Variants in NUDCD3 observed in about 807,000 individuals in gnomAD.
The protein encoded by NUDCD3 is NudC domain containing 3, also known as nudC domain-containing protein 3.
A neutral mutation model predicts 39.7 loss-of-function variants in NUDCD3; 13 were observed. That is an observed-to-expected ratio of 0.33 (90% CI 0.21 to 0.52). The LOEUF (loss-of-function observed/expected upper bound fraction) is 0.52, where lower values mean the gene tolerates loss of function less well. Ranked by LOEUF, NUDCD3 falls within the 20% of genes least tolerant of loss-of-function variation. NUDCD3 has a pLI of 0.96. For synonymous variants in NUDCD3, 175 were observed against 172.4 expected (o/e 1.02, Z -0.12); for missense variants, 453 against 458.1 (o/e 0.99, Z 0.10).
At chr7:44,437,385 G>C (rs966031723) in intron 2 of NUDCD3, among the ~76,000 whole-genome samples, 3 of 152,068 alleles carry the variant, frequency 2.0e-5, no homozygotes, top group Non-Finnish European at 4.4e-5. Flanking sequence ...TTCGACCTTT[G>C]TTTCTTTGTA....
At chr7:44,432,178 G>A (rs566875270) in intron 2 of NUDCD3, among the ~76,000 whole-genome samples, 18 of 152,268 alleles carry the variant, frequency 1.2e-4, no homozygotes, top group African/African-American at 4.3e-4. Flanking sequence ...GCTACTCGGA[G>A]GGTTGAGGTG....
At chr7:44,389,690 T>C (rs377410172) in intron 5 of NUDCD3, among the ~76,000 whole-genome samples, 3 of 152,154 alleles carry the variant, frequency 2.0e-5, no homozygotes, top group South Asian at 2.1e-4. Context: ...GATCTGTGTC[T>C]GTCTTCCTCA....
chr7:44,392,930 A>G (rs1798547616), intron 4 of NUDCD3, among the ~76,000 whole-genome samples: 2 of 152,062 alleles, frequency 1.3e-5, no homozygotes, highest in African/African-American at 2.4e-5. Flanking sequence ...CTTAGCTCTT[A>G]TCAACCAACT....
At chr7:44,402,099 T>C (rs1047334369) in intron 4 of NUDCD3, among the ~76,000 whole-genome samples, 1 of 152,224 alleles carries the variant, frequency 6.6e-6, no homozygotes, top group Non-Finnish European at 1.5e-5. Context: ...AGACTCCCGT[T>C]TCTCACAGCA....
At chr7:44,405,927 A>G (rs1014327526) in intron 3 of NUDCD3, among the ~76,000 whole-genome samples, 1 of 152,072 alleles carries the variant, frequency 6.6e-6, no homozygotes, top group African/African-American at 2.4e-5. Context: ...CTCCCGAGTA[A>G]CTGGGACTAC....
chr7:44,488,825 G>A (rs1800671562), intron 1 of NUDCD3, among the ~76,000 whole-genome samples: 1 of 152,180 alleles, frequency 6.6e-6, no homozygotes, highest in Non-Finnish European at 1.5e-5. Context: ...CTTGTAAGAG[G>A]TGTTACCAGG....
chr7:44,446,679 A>T (rs1044905428), intron 2 of NUDCD3, among the ~76,000 whole-genome samples: 1 of 152,198 alleles, frequency 6.6e-6, no homozygotes, highest in African/African-American at 2.4e-5. Context: ...ACATTTGGGT[A>T]GGGGGCTGTC....
chr7:44,381,784 A>G lies in NUDCD3; in HGVS notation c.*4227T>C, dbSNP rs1286453875. The G allele has an allele frequency of 2.0e-5, 3 of 152,306 alleles. No homozygotes were observed. The highest frequency in any genetic ancestry group is 3.8e-4 in the East Asian group (2 of 5,206). 9.4% of individuals were successfully genotyped at this position (152,306 alleles called of 1,614,324 possible). A position where few individuals can be genotyped will look rare whatever the true frequency, so the allele number is the denominator to read the frequency against. On this transcript the variant is annotated 3_prime_UTR_variant, in exon 6 of 6. Coordinates refer to ENST00000355451, the MANE Select transcript of NUDCD3 (RefSeq NM_015332.4). ...CGTGAACCTGCCTGAGGGTGGCCACATTCCCACACCCCATGTGTGCCTATC... is the reference window on the plus strand; with the variant it reads ...CGTGAACCTGCCTGAGGGTGGCCACGTTCCCACACCCCATGTGTGCCTATC...
At chr7:44,461,474 G>A (rs1800012852) in intron 2 of NUDCD3, among the ~76,000 whole-genome samples, 1 of 152,126 alleles carries the variant, frequency 6.6e-6, no homozygotes, top group African/African-American at 2.4e-5. Context: ...GGAAAAGGCT[G>A]TCTCCCTGTG....
intron 2 of NUDCD3, chr7:44,468,417 A>G (rs1800178465): frequency 1.2e-6 from 1 of 805,442 alleles, no homozygotes; most frequent in Admixed American, 2.8e-5. Flanking sequence ...TGTTTGTTCA[A>G]TGCCAGACAG....
intron 2 of NUDCD3, among the ~76,000 whole-genome samples, chr7:44,441,163 T>C (rs1799576963): frequency 1.3e-5 from 2 of 152,228 alleles, no homozygotes; most frequent in East Asian, 3.9e-4. Flanking sequence ...TGTTATTTAC[T>C]GCTCCTGCTG....
intron 5 of NUDCD3, among the ~76,000 whole-genome samples, chr7:44,390,794 T>G (rs1798499491): frequency 6.6e-6 from 1 of 152,088 alleles, no homozygotes; most frequent in South Asian, 2.1e-4. Flanking sequence ...AGGCTGGCCT[T>G]TCATCTAGTG....
chr7:44,419,238 T>C (rs1280043759), intron 3 of NUDCD3, among the ~76,000 whole-genome samples: 1 of 152,096 alleles, frequency 6.6e-6, no homozygotes, highest in Non-Finnish European at 1.5e-5. Context: ...TGGGTGGAAC[T>C]CAACACAGCG....
At chr7:44,418,274 C>T (rs1799065907) in intron 3 of NUDCD3, among the ~76,000 whole-genome samples, 1 of 152,164 alleles carries the variant, frequency 6.6e-6, no homozygotes, top group South Asian at 2.1e-4. Flanking sequence ...AGGTGCAAGC[C>T]AAGTTGCCCC....
chr7:44,408,102 A>G (rs916798974), intron 3 of NUDCD3, among the ~76,000 whole-genome samples: 2 of 152,250 alleles, frequency 1.3e-5, no homozygotes, highest in African/African-American at 4.8e-5. Flanking sequence ...TCCAGAATCA[A>G]TTACACAGAG....
rs1326306302 is a variant in NUDCD3, at chr7:44,383,232, G to A, written c.*2779C>T. ...AGTTAACAGCAGGTATGCACCTGGA[G>A]ACCAAGGAGGGCCTTGGAGCCTGGT... is the stretch of plus-strand genomic sequence containing the variant. On this transcript the variant is annotated 3_prime_UTR_variant, in exon 6 of 6. Transcript: ENST00000355451. The A allele has an allele frequency of 6.6e-6, 1 of 152,288 alleles. No homozygotes were observed. Among genetic ancestry groups the A allele is most frequent in the Non-Finnish European group, 1.5e-5 (1 of 68,072 alleles). The allele number at this position is 152,288 out of a possible 1,614,324, so 9.4% of individuals were successfully genotyped here.
At chr7:44,460,079 TA>T (rs1585093906) in intron 2 of NUDCD3, among the ~76,000 whole-genome samples, 1 of 152,168 alleles carries the variant, frequency 6.6e-6, no homozygotes, top group East Asian at 1.9e-4. Context: ...GAGAAATTTC[TA>T]AAATCTAACA....
chr7:44,461,748 C>T (rs10229330), intron 2 of NUDCD3, among the ~76,000 whole-genome samples: 19,551 of 152,024 alleles, frequency 0.13, 1,671 homozygotes, highest in Non-Finnish European at 0.19. Flanking sequence ...GTTTGGGATC[C>T]GGGCCCTAAC....
intron 2 of NUDCD3, among the ~76,000 whole-genome samples, chr7:44,444,786 T>C (rs1799658463): frequency 6.6e-6 from 1 of 152,172 alleles, no homozygotes; most frequent in Non-Finnish European, 1.5e-5. Context: ...CATGCCTCAC[T>C]CTTCCTTAAA....
Sources: allele counts gnomAD v4.1 joint callset (sites outside exome capture counted in the v4.1 genomes callset), GRCh38; gene constraint gnomAD v4.1.1; transcripts MANE v1.5; gene names NCBI Gene and HGNC (gene_info 2026-07-23, HGNC 2026-07-21).